SEMA6D: variants seen among roughly 807,000 people sequenced by gnomAD.
SEMA6D encodes the protein semaphorin 6D.
In SEMA6D, 35 loss-of-function variants were observed where a neutral mutation model predicts 106.6. The observed-to-expected ratio is 0.33, with a 90% confidence interval of 0.25 to 0.44. The LOEUF (loss-of-function observed/expected upper bound fraction) is 0.44. Among genes scored for constraint, SEMA6D ranks in the 20% least tolerant of loss-of-function variants. The probability of loss-of-function intolerance (pLI) is 1.00; values close to 1 mark genes in which losing one functional copy is unlikely to be tolerated. For missense variants in SEMA6D, 1,185 were observed against 1,345.9 expected (o/e 0.88, Z 1.87); for synonymous variants, 499 against 487.7 (o/e 1.02, Z -0.31).
chr15:47,228,643 T>C (rs2031979806), intron 1 of SEMA6D, among the ~76,000 whole-genome samples: 1 of 151,990 alleles, frequency 6.6e-6, no homozygotes, highest in African/African-American at 2.4e-5. Flanking sequence ...ATGAATTAAT[T>C]GTCACCCTGG....
In SEMA6D at chr15:47,731,764, T is replaced by C. The variant is rs572582664; in HGVS notation, c.-55+14072T>C. Among the ~76,000 whole-genome samples, 13 of 152,332 alleles carry C rather than the reference T, an allele frequency of 8.5e-5. No homozygotes were observed. The South Asian group carries it at 2.7e-3, about 32-fold the overall frequency. ...CACTCCATCAAAGATTCAAAATATA[T>C]GATAAATGGTTATGCTACCATAGAT... On this transcript the variant is annotated intron_variant, in intron 1 of 18. Coordinates refer to ENST00000536845, the MANE Select transcript of SEMA6D (RefSeq NM_001358351.3).
At chr15:47,474,949 T>C (rs936739232) in intron 3 of SEMA6D, among the ~76,000 whole-genome samples, 1 of 152,200 alleles carries the variant, frequency 6.6e-6, no homozygotes, top group African/African-American at 2.4e-5. Flanking sequence ...CTGGATGATA[T>C]AGCTACAGGG....
intron 3 of SEMA6D, among the ~76,000 whole-genome samples, chr15:47,569,795 TTACACCTG>T (rs2046329854): frequency 6.6e-6 from 1 of 152,190 alleles, no homozygotes; most frequent in Non-Finnish European, 1.5e-5. Flanking sequence ...GCGCAGTGGC[TTACACCTG>T]TAATCCCAGT....
chr15:47,451,057 C>T (rs1450115399), intron 2 of SEMA6D, among the ~76,000 whole-genome samples: 1 of 152,060 alleles, frequency 6.6e-6, no homozygotes, highest in Admixed American at 6.6e-5. Context: ...AACAAAAAAT[C>T]AACAACCCTG....
At chr15:47,752,221 A>G (rs895970656) in intron 1 of SEMA6D, among the ~76,000 whole-genome samples, 5 of 152,182 alleles carry the variant, frequency 3.3e-5, no homozygotes, top group African/African-American at 1.2e-4. Context: ...CTAATGGGAA[A>G]CAAACAGGCA....
intron 2 of SEMA6D, among the ~76,000 whole-genome samples, chr15:47,443,971 A>G (rs1425634820): frequency 1.3e-5 from 2 of 152,160 alleles, no homozygotes; most frequent in African/African-American, 4.8e-5. Flanking sequence ...AAACAAATTG[A>G]TGATTTAGAA....
intron 3 of SEMA6D, among the ~76,000 whole-genome samples, chr15:47,545,700 T>C (rs2045498551): frequency 6.6e-6 from 1 of 152,142 alleles, no homozygotes; most frequent in African/African-American, 2.4e-5. Flanking sequence ...GTTTCCCTCA[T>C]GTATTTCGTG....
chr15:47,557,011 C>T (rs997291318), intron 3 of SEMA6D, among the ~76,000 whole-genome samples: 2 of 152,062 alleles, frequency 1.3e-5, no homozygotes, highest in African/African-American at 4.8e-5. Context: ...TAAACGACTT[C>T]TCATGATTAA....
intron 1 of SEMA6D, among the ~76,000 whole-genome samples, chr15:47,748,809 G>T (rs2147261347): frequency 6.6e-6 from 1 of 152,288 alleles, no homozygotes; most frequent in African/African-American, 2.4e-5. Context: ...TTTGGACAGG[G>T]ATGTAACATG....
At chr15:47,765,220 C>A in intron 13 of SEMA6D, 164 bp downstream of exon 13, 7 of 1,403,256 alleles carry the variant, frequency 5.0e-6, no homozygotes, top group Non-Finnish European at 5.5e-6. Context: ...GTTTTTTTCC[C>A]GAGCCTGCTA....
chr15:47,651,017 G>C (rs1008005788), intron 4 of SEMA6D, among the ~76,000 whole-genome samples: 1 of 152,110 alleles, frequency 6.6e-6, no homozygotes, highest in African/African-American at 2.4e-5. Context: ...TTGTTTCTGG[G>C]CACATTCATA....
intron 1 of SEMA6D, among the ~76,000 whole-genome samples, chr15:47,201,264 C>T (rs551521549): frequency 4.6e-5 from 7 of 152,196 alleles, no homozygotes; most frequent in African/African-American, 9.6e-5. Context: ...AAAACCATTA[C>T]GGATGAATGG....
At chr15:47,387,046 A>G (rs1001915593) in intron 1 of SEMA6D, among the ~76,000 whole-genome samples, 3 of 152,064 alleles carry the variant, frequency 2.0e-5, no homozygotes, top group Non-Finnish European at 2.9e-5. Flanking sequence ...GTGTGGCTCC[A>G]TCATGCTCCC....
chr15:47,618,807 T>C (rs2077050516), intron 4 of SEMA6D, among the ~76,000 whole-genome samples: 1 of 152,188 alleles, frequency 6.6e-6, no homozygotes. Context: ...AGTGTAAATA[T>C]CAGATTCTTC....
At chr15:47,242,766 A>G (rs1339320993) in intron 1 of SEMA6D, among the ~76,000 whole-genome samples, 3 of 152,198 alleles carry the variant, frequency 2.0e-5, no homozygotes, top group Non-Finnish European at 4.4e-5. Flanking sequence ...CCTGATCATT[A>G]TACAAAATCT....
intron 1 of SEMA6D, among the ~76,000 whole-genome samples, chr15:47,270,863 C>T (rs996845183): frequency 3.3e-5 from 5 of 151,730 alleles, no homozygotes; most frequent in African/African-American, 4.8e-5. Flanking sequence ...GATGTGGTGG[C>T]GGGTGCCTGT....
chr15:47,586,563 A>G (rs185917849), intron 3 of SEMA6D, among the ~76,000 whole-genome samples: 6 of 152,328 alleles, frequency 3.9e-5, no homozygotes, highest in Non-Finnish European at 8.8e-5. Flanking sequence ...ACAAATACAA[A>G]TAAAAGGTGG....
intron 1 of SEMA6D, among the ~76,000 whole-genome samples, chr15:47,207,356 A>G (rs369093854): frequency 7.2e-5 from 11 of 152,220 alleles, no homozygotes; most frequent in African/African-American, 2.4e-4. Context: ...CCCATTTACA[A>G]TGCGGTGAGA....
At chr15:47,655,613 G>A (rs1199439470) in intron 4 of SEMA6D, among the ~76,000 whole-genome samples, 4 of 152,188 alleles carry the variant, frequency 2.6e-5, no homozygotes, top group Non-Finnish European at 4.4e-5. Flanking sequence ...TTCATTATTA[G>A]TATTTAGAAA....
Sources: allele counts gnomAD v4.1 joint callset (sites outside exome capture counted in the v4.1 genomes callset), GRCh38; gene constraint gnomAD v4.1.1; transcripts MANE v1.5; gene names NCBI Gene and HGNC (gene_info 2026-07-23, HGNC 2026-07-21).